CNTRL: variants seen among roughly 807,000 people sequenced by gnomAD.
The protein encoded by CNTRL is centriolin, also known as 110 kDa centrosomal protein.
CNTRL carries 233 observed loss-of-function variants against 303.7 expected under a neutral mutation model. That is an observed-to-expected ratio of 0.77 (90% CI 0.69 to 0.86). The LOEUF is 0.86. CNTRL is among the 40% of genes least tolerant of loss of function. CNTRL has a pLI of 0.00. For synonymous variants in CNTRL, 900 were observed against 922.2 expected (o/e 0.98, Z 0.44); for missense variants, 2,524 against 2,650.6 (o/e 0.95, Z 1.05).
intron 11 of CNTRL, among the ~76,000 whole-genome samples, chr9:121,117,145 C>T (rs554808200): frequency 2.1e-4 from 32 of 152,184 alleles, no homozygotes; most frequent in African/African-American, 7.0e-4. Flanking sequence ...GACATGCTAA[C>T]AAAGGTAAGC....
In CNTRL at chr9:121,173,468, C is replaced by A. The variant is rs375998545; in HGVS notation, c.6643C>A (p.Pro2215Thr). 5.0e-6 allele frequency: 8 copies of A among 1,613,494 alleles called. No homozygotes were observed. The highest frequency in any genetic ancestry group is 1.1e-5 in the South Asian group (1 of 91,024). Reference protein sequence around the residue: ...ENLPFTMNEGPFEEKLNFSQV... With the variant: ...ENLPFTMNEGTFEEKLNFSQV... The stretch of plus-strand genomic sequence containing the variant: ...CCTTCCATTTACCATGAATGAGGGA[C>A]CTTTTGAAGAAAAACTGAACTTTTC... Residue 2215 changes from proline (P) to threonine (T), a missense_variant, in exon 41 of 44, where the codon CCT becomes ACT. By Grantham distance (38) the Pro-to-Thr change is conservative (BLOSUM62 -1). Coordinates refer to ENST00000373855, the MANE Select transcript of CNTRL (RefSeq NM_007018.6).
At chr9:121,082,627 A>T (rs2048183446) in intron 2 of CNTRL, among the ~76,000 whole-genome samples, 1 of 152,210 alleles carries the variant, frequency 6.6e-6, no homozygotes, top group Non-Finnish European at 1.5e-5. Flanking sequence ...ATGTTACTGT[A>T]CTGAATACTT....
chr9:121,095,346 A>T (rs565999117), intron 5 of CNTRL, among the ~76,000 whole-genome samples: 3 of 152,194 alleles, frequency 2.0e-5, no homozygotes, highest in Non-Finnish European at 2.9e-5. Context: ...GAATGTTGAC[A>T]TGAAGCAGAA....
intron 15 of CNTRL, among the ~76,000 whole-genome samples, chr9:121,137,221 C>T (rs928989525): frequency 7.6e-4 from 115 of 152,282 alleles, no homozygotes; most frequent in East Asian, 1.9e-4. Flanking sequence ...AGGAAGCCCA[C>T]CTCAACCTTT....
At chr9:121,102,669 C>T (rs1283134870) in intron 7 of CNTRL, among the ~76,000 whole-genome samples, 1 of 152,226 alleles carries the variant, frequency 6.6e-6, no homozygotes, top group Admixed American at 6.5e-5. Context: ...AGCCCAAAAT[C>T]TCCTTAAGCT....
chr9:121,103,174 C>A (rs1476344463), intron 7 of CNTRL, among the ~76,000 whole-genome samples: 5 of 152,204 alleles, frequency 3.3e-5, no homozygotes, highest in Non-Finnish European at 7.3e-5. Flanking sequence ...GTAAACAAAA[C>A]AGCATGGTAC....
chr9:121,147,114 G>A (rs542253878), intron 23 of CNTRL, among the ~76,000 whole-genome samples: 3 of 152,158 alleles, frequency 2.0e-5, no homozygotes, highest in East Asian at 3.9e-4. Context: ...GCGATTCTCC[G>A]GTTTCTGCCT....
intron 19 of CNTRL, among the ~76,000 whole-genome samples, chr9:121,143,246 T>C (rs990711608): frequency 3.3e-5 from 5 of 152,202 alleles, no homozygotes; most frequent in African/African-American, 1.2e-4. Flanking sequence ...CCAAGTCCTA[T>C]TGAATCCATC....
chr9:121,079,856 C>T (rs1473906132), intron 1 of CNTRL, among the ~76,000 whole-genome samples: 1 of 151,516 alleles, frequency 6.6e-6, no homozygotes, highest in Non-Finnish European at 1.5e-5. Context: ...GGGTTTCCTT[C>T]AGGATTTTTT....
chr9:121,126,750 T>TA (rs2050550151), intron 14 of CNTRL, among the ~76,000 whole-genome samples: 1 of 152,194 alleles, frequency 6.6e-6, no homozygotes. Flanking sequence ...TTTTAAGACT[T>TA]ATACAAAATG....
rs79192016 is a variant in CNTRL, at chr9:121,135,981, A to C, written c.2201A>C (p.Gln734Pro). 6.3e-7 allele frequency: 1 copy of C among 1,594,452 alleles called. No individual in the cohort carries two copies. Among genetic ancestry groups the C allele is most frequent in the Non-Finnish European group, 8.6e-7 (1 of 1,166,268 alleles). Residue 734 changes from glutamine to proline, a missense_variant and splice_region_variant, in exon 15 of 44, where the codon CAG (glutamine) becomes CCG (proline). Transcript: ENST00000373855. Reference sequence around the variant, plus strand: ...TTGGAAAAAGTAACAAGACTTACCCAGGTAAGTAGGAGCATGAAGCCAACT... The same window carrying C: ...TTGGAAAAAGTAACAAGACTTACCCCGGTAAGTAGGAGCATGAAGCCAACT... The part of the protein sequence containing the change: ...EELEKVTRLT[Q>P]LEQSALQAEL...
rs771061461 is a variant in CNTRL at position 121,157,533 on chromosome 9, G to A, written c.4429G>A (p.Ala1477Thr). Residue 1477 changes from alanine (A) to threonine (T), a missense_variant, in exon 28 of 44, where the codon GCT (alanine) becomes ACT (threonine). Ala to Thr is a moderately conservative substitution (Grantham distance 58). Transcript: ENST00000373855. Reference sequence around the variant, plus strand: ...AAGTTTATTGCAAACTGAGTCAGATGCTGAGGAATTAGAAAGGAGAGCTCA... The same window carrying A: ...AAGTTTATTGCAAACTGAGTCAGATACTGAGGAATTAGAAAGGAGAGCTCA... ...KRSLLQTESD[A>T]EELERRAQET... The A allele has an allele frequency of 1.2e-6, 2 of 1,614,026 alleles. No individual in the cohort carries two copies. The highest frequency in any genetic ancestry group is 1.7e-6 in the Non-Finnish European group (2 of 1,180,010).
intron 27 of CNTRL, among the ~76,000 whole-genome samples, chr9:121,155,476 G>A (rs1485573649): frequency 1.3e-5 from 2 of 152,092 alleles, no homozygotes; most frequent in Admixed American, 6.6e-5. Flanking sequence ...CCGCCTCCCG[G>A]GTTCAAGCGA....
At chr9:121,147,158 A>G (rs1438069490) in intron 23 of CNTRL, among the ~76,000 whole-genome samples, 1 of 152,098 alleles carries the variant, frequency 6.6e-6, no homozygotes, top group Non-Finnish European at 1.5e-5. Context: ...ATGCGCCACC[A>G]CGCCTGGCTA....
intron 25 of CNTRL, 104 bp downstream of exon 25, chr9:121,150,587 A>G: frequency 9.3e-7 from 1 of 1,078,396 alleles, no homozygotes; most frequent in Non-Finnish European, 1.4e-6. Flanking sequence ...ATTATATGGC[A>G]AAGTGTGTTT....
At chr9:121,105,011 C>A (rs2049396838) in intron 7 of CNTRL, among the ~76,000 whole-genome samples, 1 of 152,060 alleles carries the variant, frequency 6.6e-6, no homozygotes, top group Admixed American at 6.5e-5. Flanking sequence ...TGCCCGGCTG[C>A]CATTGACAGT....
intron 2 of CNTRL, among the ~76,000 whole-genome samples, chr9:121,084,546 A>ATT (rs375734045): frequency 0.38 from 55,300 of 145,332 alleles, 11,797 homozygotes; most frequent in South Asian, 0.64. Context: ...AGAGGATGTC[A>ATT]TTTTTTTTTT....
intron 25 of CNTRL, 47 bp from the exon 26 acceptor site, chr9:121,152,438 C>G: frequency 6.8e-7 from 1 of 1,478,852 alleles, no homozygotes; most frequent in Non-Finnish European, 9.4e-7. Flanking sequence ...AGAGAGGAAA[C>G]ATCCTGTGAT....
chr9:121,128,138 A>G (rs2050642535), intron 14 of CNTRL, among the ~76,000 whole-genome samples: 1 of 152,210 alleles, frequency 6.6e-6, no homozygotes, highest in African/African-American at 2.4e-5. Flanking sequence ...AGCATGATTT[A>G]TAATCCTTTG....
Sources: gnomAD v4.1 joint callset for allele counts (sites outside exome capture counted in the v4.1 genomes callset) on GRCh38, gnomAD v4.1.1 for gene constraint, MANE v1.5 for transcripts, NCBI Gene and HGNC (gene_info 2026-07-23, HGNC 2026-07-21) for gene names.